The following TMPRSS15 variants were observed in gnomAD, a reference collection of about 807,000 sequenced individuals.
TMPRSS15 encodes the protein enteropeptidase.
In TMPRSS15, 128 loss-of-function variants were observed where a neutral mutation model predicts 125.3. The observed-to-expected ratio is 1.02, with a 90% CI of 0.89 to 1.18. The LOEUF (loss-of-function observed/expected upper bound fraction) is 1.18. TMPRSS15 is among the 50% of genes most tolerant of loss of function. TMPRSS15 has a pLI of 0.00. For synonymous variants in TMPRSS15, 446 were observed against 423.2 expected (o/e 1.05, Z -0.66); for missense variants, 1,283 against 1,212.7 (o/e 1.06, Z -0.86).
At chr21:18,445,828 A>G (rs1247118035) in intron 1 of TMPRSS15, among the ~76,000 whole-genome samples, 1 of 152,240 alleles carries the variant, frequency 6.6e-6, no homozygotes, top group Admixed American at 6.5e-5. Context: ...AAGGGCATAT[A>G]TATCAAACCC....
At chr21:18,298,968 C>T (rs1458302594) in intron 18 of TMPRSS15, among the ~76,000 whole-genome samples, 2 of 152,206 alleles carry the variant, frequency 1.3e-5, no homozygotes, top group African/African-American at 4.8e-5. Context: ...TGTTTAGTAA[C>T]TTTCATCTAC....
upstream of TMPRSS15, among the ~76,000 whole-genome samples, chr21:18,404,274 T>C (rs2076129584): frequency 6.6e-6 from 1 of 152,226 alleles, no homozygotes; most frequent in African/African-American, 2.4e-5. Context: ...CAGTATTACA[T>C]AAGGGAAAGT....
chr21:18,281,038 A>G lies in TMPRSS15; in HGVS notation c.2668+2T>C. 1.9e-6 allele frequency: 3 copies of G among 1,603,386 alleles called. No homozygotes were observed. The highest frequency in any genetic ancestry group is 2.5e-6 in the Non-Finnish European group (3 of 1,176,840). The stretch of plus-strand genomic sequence containing the variant: ...TGACTAAGAGTGATTTTTTTTTTTT[A>G]CCTGTGTAATTCACTTTAAATTCCA... On this transcript the variant is annotated splice_donor_variant, in intron 22 of 24. Coordinates refer to ENST00000284885, the MANE Select transcript of TMPRSS15 (RefSeq NM_002772.3). LOFTEE classifies it high-confidence loss of function.
intron 21 of TMPRSS15, among the ~76,000 whole-genome samples, chr21:18,287,690 G>T (rs1488401464): frequency 6.6e-6 from 1 of 152,156 alleles, no homozygotes; most frequent in East Asian, 1.9e-4. Context: ...CACGATATAG[G>T]TCAAGAGAGA....
intron 16 of TMPRSS15, among the ~76,000 whole-genome samples, chr21:18,324,889 AC>A (rs1352635205): frequency 6.6e-6 from 1 of 152,174 alleles, no homozygotes; most frequent in African/African-American, 2.4e-5. Context: ...TACACCACAA[AC>A]AGAAGGAAAC....
intron 21 of TMPRSS15, among the ~76,000 whole-genome samples, chr21:18,289,766 C>A (rs2074811650): frequency 6.6e-6 from 1 of 151,592 alleles, no homozygotes; most frequent in African/African-American, 2.4e-5. Flanking sequence ...GTGATCCAGA[C>A]TGTAAATCTA....
chr21:18,485,166 G>C (rs1039253280), intron 1 of TMPRSS15, among the ~76,000 whole-genome samples: 5 of 151,380 alleles, frequency 3.3e-5, no homozygotes, highest in African/African-American at 1.2e-4. Flanking sequence ...CTTTGTAATT[G>C]GTAAACAAAA....
chr21:18,432,037 T>C (rs1396798553), intron 1 of TMPRSS15, among the ~76,000 whole-genome samples: 1 of 152,200 alleles, frequency 6.6e-6, no homozygotes, highest in African/African-American at 2.4e-5. Flanking sequence ...TATCTTCATC[T>C]TCAGATCCTT....
intron 21 of TMPRSS15, among the ~76,000 whole-genome samples, chr21:18,284,088 C>T (rs559094842): frequency 6.6e-6 from 1 of 152,290 alleles, no homozygotes; most frequent in South Asian, 2.1e-4. Flanking sequence ...AATAGCCTCT[C>T]TTTCATGTTT....
chr21:18,300,511 T>G (rs1248941238), intron 18 of TMPRSS15, among the ~76,000 whole-genome samples: 1 of 151,256 alleles, frequency 6.6e-6, no homozygotes, highest in Non-Finnish European at 1.5e-5. Context: ...CTGGCTAATT[T>G]TTTTTGTATT....
intron 20 of TMPRSS15, 55 bp from the exon 21 acceptor site, chr21:18,294,499 T>C (rs1010952304): frequency 3.1e-6 from 5 of 1,608,864 alleles, no homozygotes; most frequent in Non-Finnish European, 4.3e-6. Flanking sequence ...TTTCTTCTGA[T>C]GGTGAAAATT....
At chr21:18,335,835 TCA>T (rs2075386247) in intron 13 of TMPRSS15, among the ~76,000 whole-genome samples, 2 of 152,042 alleles carry the variant, frequency 1.3e-5, no homozygotes, top group South Asian at 4.1e-4. Flanking sequence ...ATTCCAAATA[TCA>T]CAGTCATGCT....
intron 16 of TMPRSS15, among the ~76,000 whole-genome samples, chr21:18,316,597 C>T (rs1569003275): frequency 6.6e-6 from 1 of 152,130 alleles, no homozygotes; most frequent in Non-Finnish European, 1.5e-5. Flanking sequence ...TGGGCATGTG[C>T]TTGGCACATG....
Position 18,356,169 on chromosome 21 carries a change from A to G in TMPRSS15, c.881-2306T>C, listed in dbSNP as rs886112194. Among the ~76,000 whole-genome samples, 13 of 151,874 alleles carry G rather than the reference A, an allele frequency of 8.6e-5. 1 individual carries two copies. The highest frequency in any genetic ancestry group is 7.9e-4 in the Admixed American group (12 of 15,198). On this transcript the variant is annotated intron_variant, in intron 8 of 24. Transcript: ENST00000284885. ...AACTCATCATTTGTCTACTAACAGC[A>G]AAGGCTCTGGTGAATAGGTTTTGTG...
At chr21:18,385,799 A>C (rs776780346) in intron 3 of TMPRSS15, among the ~76,000 whole-genome samples, 2 of 151,950 alleles carry the variant, frequency 1.3e-5, no homozygotes, top group African/African-American at 2.4e-5. Context: ...GCTGGAGTGC[A>C]GCGGCACGAT....
intron 23 of TMPRSS15, among the ~76,000 whole-genome samples, 183 bp downstream of exon 23, chr21:18,278,781 T>G (rs527662062): frequency 3.9e-5 from 6 of 152,214 alleles, no homozygotes; most frequent in Admixed American, 1.3e-4. Context: ...CTTTGAAAGC[T>G]CTACAGATAC....
chr21:18,394,816 C>T (rs904518114), intron 3 of TMPRSS15, among the ~76,000 whole-genome samples: 5 of 152,062 alleles, frequency 3.3e-5, no homozygotes, highest in African/African-American at 9.7e-5. Context: ...AATCCAGTGA[C>T]GGATTCTTAT....
intron 18 of TMPRSS15, among the ~76,000 whole-genome samples, chr21:18,311,850 T>C (rs1178943902): frequency 5.9e-5 from 9 of 152,140 alleles, no homozygotes; most frequent in Admixed American, 2.0e-4. Flanking sequence ...GAGAAAAGCA[T>C]ATGTTTTATA....
At chr21:18,313,201 C>T (rs2075120055) in intron 17 of TMPRSS15, 124 bp from the exon 18 acceptor site, 2 of 751,314 alleles carry the variant, frequency 2.7e-6, no homozygotes, top group Admixed American at 2.0e-5. Context: ...AGATCTCTTG[C>T]ACAGCACTGT....
Sources: allele counts gnomAD v4.1 joint callset (sites outside exome capture counted in the v4.1 genomes callset), GRCh38; gene constraint gnomAD v4.1.1; transcripts MANE v1.5; gene names NCBI Gene and HGNC (gene_info 2026-07-23, HGNC 2026-07-21).